Variants in CFAP46 observed in about 807,000 individuals in gnomAD.
CFAP46 encodes the protein cilia- and flagella-associated protein 46.
In CFAP46, 245 loss-of-function variants were observed where a neutral mutation model predicts 325.7. The observed-to-expected ratio is 0.75, with a 90% CI of 0.68 to 0.84. CFAP46 has a LOEUF of 0.84. CFAP46 is among the 40% of genes least tolerant of loss of function. CFAP46 has a pLI of 0.00. For missense variants in CFAP46, 3,346 were observed against 3,543.0 expected (o/e 0.94, Z 1.41); for synonymous variants, 1,523 against 1,495.9 (o/e 1.02, Z -0.42).
At chr10:132,915,892 C>A (rs1849630826) in intron 17 of CFAP46, among the ~76,000 whole-genome samples, 1 of 152,140 alleles carries the variant, frequency 6.6e-6, no homozygotes, top group African/African-American at 2.4e-5. Context: ...CGTCACTATG[C>A]ACCCCAAAAA....
At chr10:132,940,475 T>G (rs1301829222) in intron 4 of CFAP46, among the ~76,000 whole-genome samples, 1 of 152,150 alleles carries the variant, frequency 6.6e-6, no homozygotes, top group Admixed American at 6.5e-5. Context: ...CTTGGCCAAG[T>G]TGTCCGCTAG....
At chr10:132,865,923 G>A (rs557910614) in intron 35 of CFAP46, 102 bp downstream of exon 35, 1 of 1,217,978 alleles carries the variant, frequency 8.2e-7, no homozygotes, top group South Asian at 2.7e-5. Context: ...GGCCCTGCTA[G>A]AGCTGAACGC....
intron 39 of CFAP46, among the ~76,000 whole-genome samples, chr10:132,852,110 C>T (rs79501635): frequency 4.1e-4 from 56 of 137,676 alleles, no homozygotes; most frequent in Middle Eastern, 4.2e-3. Context: ...GTGGTATGTT[C>T]CTCCATTTAC....
intron 4 of CFAP46, 103 bp from the exon 5 acceptor site, chr10:132,938,856 GC>G: frequency 9.1e-7 from 1 of 1,101,462 alleles, no homozygotes; most frequent in Non-Finnish European, 1.3e-6. Context: ...CCCAGGAGGG[GC>G]CTCAGGTCCT....
intron 25 of CFAP46, among the ~76,000 whole-genome samples, chr10:132,891,821 G>A (rs1257442834): frequency 6.6e-6 from 1 of 152,156 alleles, no homozygotes; most frequent in East Asian, 1.9e-4. Context: ...TCAACAAATT[G>A]TCAATCAGAA....
In CFAP46 at chr10:132,893,342, C is replaced by T. The variant is rs61862359; in HGVS notation, c.3220-925G>A. ...TGAGACAGCCAGGTGGGAAGGGGTC[C>T]CCAGAGAATCTCTGATCAGCTGCTC... On this transcript the variant is annotated intron_variant, in intron 24 of 57. Transcript: ENST00000368586. Among the ~76,000 whole-genome samples the T allele has an allele frequency of 3.7e-3, 560 of 152,288 alleles. 2 individuals are homozygous for T. The highest frequency in any genetic ancestry group is 5.8e-3 in the Admixed American group (88 of 15,298).
chr10:132,938,492 T>G, intron 5 of CFAP46, 97 bp downstream of exon 5: 1 of 1,187,276 alleles, frequency 8.4e-7, no homozygotes, highest in Non-Finnish European at 1.2e-6. Context: ...CCCAGTGATG[T>G]GGAACTCCCG....
chr10:132,930,988 C>T (rs1413598917), intron 8 of CFAP46, among the ~76,000 whole-genome samples: 1 of 130,578 alleles, frequency 7.7e-6, no homozygotes, highest in Admixed American at 7.7e-5. Flanking sequence ...CCTACACTCC[C>T]CACACAGAGC....
chr10:132,868,466 G>A (rs899420756), intron 33 of CFAP46, among the ~76,000 whole-genome samples: 1 of 149,234 alleles, frequency 6.7e-6, no homozygotes, highest in Admixed American at 6.7e-5. Context: ...GATAACTCAC[G>A]GTGCACAGAT....
At chr10:132,937,524 C>G in intron 6 of CFAP46, 28 bp downstream of exon 6, 1 of 1,612,118 alleles carries the variant, frequency 6.2e-7, no homozygotes. Flanking sequence ...TTACTTCTTA[C>G]GTCTCTATTT....
chr10:132,847,098 A>C lies in CFAP46; in HGVS notation c.6101T>G (p.Leu2034Arg). The change falls in exon 43 of 58, where the codon CTG becomes CGG. Residue 2034 changes from leucine (L) to arginine (R), a missense_variant. By Grantham distance (102) the Leu-to-Arg change is moderately radical. Transcript: ENST00000368586. This position sits in a 1 kb window ranked among gnomAD's most constrained non-coding sequence, Gnocchi z 5.2. The stretch of plus-strand genomic sequence containing the variant: ...CGCCTGAGCCAGGTACTGCTGGGCC[A>C]GAACCATCCTCCTCTGTGGGGCACA... ...RGEDLKRRMV[L>R]AQQYLAQASE... 6.2e-7 allele frequency: 1 copy of C among 1,611,090 alleles called. No individual in the cohort carries two copies. Among genetic ancestry groups the C allele is most frequent in the Non-Finnish European group, 8.5e-7 (1 of 1,179,182 alleles).
At position 132,879,646 on chromosome 10, in the gene CFAP46, G is replaced by C; in HGVS notation, c.3800-15C>G. ...CACGTACTCCCCTGAAACACGGGGTGCCCGAGGCTGAGAGCAGGCCCGGCT... is the reference window on the plus strand; with the variant it reads ...CACGTACTCCCCTGAAACACGGGGTCCCCGAGGCTGAGAGCAGGCCCGGCT... On this transcript the variant is annotated splice_polypyrimidine_tract_variant and intron_variant, in intron 28 of 57. Coordinates refer to ENST00000368586, the MANE Select transcript of CFAP46 (RefSeq NM_001200049.3). 6.7e-7 allele frequency: 1 copy of C among 1,493,142 alleles called. No individual in the cohort carries two copies. Among genetic ancestry groups the C allele is most frequent in the Non-Finnish European group, 8.9e-7 (1 of 1,119,922 alleles). 92.5% of individuals were successfully genotyped at this position (1,493,142 alleles called of 1,614,324 possible).
chr10:132,820,556 G>GCA (rs1449813228), intron 50 of CFAP46, among the ~76,000 whole-genome samples: 118 of 145,860 alleles, frequency 8.1e-4, no homozygotes, highest in South Asian at 2.4e-3. Flanking sequence ...TGCTGTGTGT[G>GCA]CTGATGTGTG....
At chr10:132,864,084 CG>C (rs1848766472) in intron 35 of CFAP46, among the ~76,000 whole-genome samples, 10 of 146,116 alleles carry the variant, frequency 6.8e-5, no homozygotes, top group East Asian at 2.1e-4. Context: ...CACCTGTCCC[CG>C]GTGTCTGAGA....
At position 132,828,021 on chromosome 10, in the gene CFAP46, C is replaced by T. The variant is rs1848088214; in HGVS notation, c.7117+5337G>A. ...TCTACGCTGTCCCACGCACCAACAG[C>T]TCGCCCCTCATTGCCGGGCAGGACC... On this transcript the variant is annotated intron_variant, in intron 50 of 57. Transcript: ENST00000368586. This position sits in a 1 kb window ranked among gnomAD's most constrained non-coding sequence, Gnocchi z 4.9. Among the ~76,000 whole-genome samples, 1 of 152,202 alleles carries T rather than the reference C, an allele frequency of 6.6e-6. No homozygotes were observed. Among genetic ancestry groups the T allele is most frequent in the South Asian group, 2.1e-4 (1 of 4,830 alleles).
chr10:132,859,208 C>A lies in CFAP46; in HGVS notation c.5238G>T (p.Ala1746=). Residue 1746 remains alanine, a synonymous_variant, in exon 38 of 58, where the codon GCG becomes GCT. Coordinates refer to ENST00000368586, the MANE Select transcript of CFAP46 (RefSeq NM_001200049.3). The part of the protein sequence containing the change: ...SLRVRVAQHS[A]VTEPTECSLL... ...ACGAGCACTCTGTGGGTTCAGTGAC[C>A]GCTGAGTGCTGCGCAACTCTGACCC... is the stretch of plus-strand genomic sequence containing the variant. The A allele has an allele frequency of 6.5e-7, 1 of 1,550,202 alleles. No homozygotes were observed. Among genetic ancestry groups the A allele is most frequent in the East Asian group, 2.4e-5 (1 of 40,902 alleles).
At position 132,918,420 on chromosome 10, in the gene CFAP46, G is replaced by A. The variant is rs1288808475; in HGVS notation, c.1959C>T (p.Phe653=). Residue 653 remains phenylalanine, a synonymous_variant, in exon 16 of 58, where the codon TTC becomes TTT. Coordinates refer to ENST00000368586, the MANE Select transcript of CFAP46 (RefSeq NM_001200049.3). The part of the protein sequence containing the change: ...RQVCPDLLRK[F]AEVGFIHAEA... ...CAGCATGGATGAACCCCACCTCCGC[G>A]AACTTCCGCAGCAGGTCGGGGCACA... 6.5e-6 allele frequency: 10 copies of A among 1,548,908 alleles called. No individual in the cohort carries two copies. The highest frequency in any genetic ancestry group is 1.4e-5 in the African/African-American group (1 of 72,944).
intron 40 of CFAP46, 110 bp downstream of exon 40, chr10:132,851,007 C>T (rs1591052625): frequency 1.1e-5 from 15 of 1,340,980 alleles, no homozygotes; most frequent in Non-Finnish European, 1.6e-5. Context: ...AGCTGACCCG[C>T]ACCGCCAGGT....
Position 132,847,427 on chromosome 10 carries a change from C to A in CFAP46, c.5953-106G>T. 3.6e-6 allele frequency: 5 copies of A among 1,396,964 alleles called. No homozygotes were observed. The highest frequency in any genetic ancestry group is 4.0e-6 in the Non-Finnish European group (4 of 1,008,976). The allele number at this position is 1,396,964 out of a possible 1,614,324, so 86.5% of individuals were successfully genotyped here. ...GGGTGGTCGGGCTCCTCAGCAGGGTCCCCGGGTAGGGGGTACCGCAGGCCA... is the reference window on the plus strand; with the variant it reads ...GGGTGGTCGGGCTCCTCAGCAGGGTACCCGGGTAGGGGGTACCGCAGGCCA... On this transcript the variant is annotated intron_variant, in intron 41 of 57. Coordinates refer to ENST00000368586, the MANE Select transcript of CFAP46 (RefSeq NM_001200049.3). This position sits in a 1 kb window ranked among gnomAD's most constrained non-coding sequence, Gnocchi z 5.2.
Sources: gnomAD v4.1 joint callset for allele counts (sites outside exome capture counted in the v4.1 genomes callset) on GRCh38, gnomAD v4.1.1 for gene constraint, Gnocchi (gnomAD v3.1) non-coding constraint, MANE v1.5 for transcripts, NCBI Gene and HGNC (gene_info 2026-07-23, HGNC 2026-07-21) for gene names.